KCNK2: variants seen among roughly 807,000 people sequenced by gnomAD.
KCNK2 encodes potassium channel subfamily K member 2.
Under a neutral mutation model 40.5 loss-of-function variants are expected in KCNK2, and 21 were observed. That is an observed-to-expected ratio of 0.52 (90% confidence interval 0.37 to 0.75). KCNK2 has a LOEUF of 0.75. Ranked by LOEUF, KCNK2 falls within the 30% of genes least tolerant of loss-of-function variation. The pLI is 0.00. For missense variants in KCNK2, 399 were observed against 531.6 expected (o/e 0.75, Z 2.45); for synonymous variants, 191 against 202.2 (o/e 0.94, Z 0.47).
chr1:215,092,697 G>T (rs1425154551), intron 2 of KCNK2, among the ~76,000 whole-genome samples: 1 of 152,104 alleles, frequency 6.6e-6, no homozygotes, highest in African/African-American at 2.4e-5. Context: ...CTTATATCTT[G>T]CTGGTCACAT....
intron 1 of KCNK2, among the ~76,000 whole-genome samples, chr1:215,043,655 T>C (rs1461963015): frequency 2.0e-5 from 3 of 151,714 alleles, no homozygotes. Context: ...AGGAACAGAG[T>C]TAGTGGTTAA....
chr1:215,213,955 G>A (rs935355427), intron 6 of KCNK2, among the ~76,000 whole-genome samples: 1 of 152,036 alleles, frequency 6.6e-6, no homozygotes, highest in African/African-American at 2.4e-5. Context: ...CCATTTGTGG[G>A]TCTTTGCATT....
intron 6 of KCNK2, among the ~76,000 whole-genome samples, chr1:215,204,624 C>G (rs539934812): frequency 6.7e-6 from 1 of 150,268 alleles, no homozygotes. Context: ...CTTCAGCAAA[C>G]CAAAGTATTG....
chr1:215,010,856 T>TG (rs752309746), intron 1 of KCNK2, among the ~76,000 whole-genome samples: 8,262 of 116,642 alleles, frequency 0.071, 641 homozygotes, highest in African/African-American at 0.25. Context: ...CACAGATTTT[T>TG]TTTTTTTTTT....
intron 2 of KCNK2, among the ~76,000 whole-genome samples, chr1:215,102,464 T>A (rs553326834): frequency 6.6e-6 from 1 of 152,116 alleles, no homozygotes; most frequent in South Asian, 2.1e-4. Flanking sequence ...GTCAAAATGT[T>A]AAAAAAAATT....
At chr1:215,027,148 T>G (rs966494187) in intron 1 of KCNK2, among the ~76,000 whole-genome samples, 2 of 152,250 alleles carry the variant, frequency 1.3e-5, no homozygotes, top group Middle Eastern at 3.4e-3. Flanking sequence ...TTTTTTTCTC[T>G]TTGTAAATCT....
Position 215,092,935 on chromosome 1 carries a change from G to A in KCNK2, c.357+6257G>A, listed in dbSNP as rs144855963. Among the ~76,000 whole-genome samples, 415 of 152,268 alleles carry A rather than the reference G, an allele frequency of 2.7e-3. 3 individuals carry two copies. The highest frequency in any genetic ancestry group is 9.5e-3 in the African/African-American group (396 of 41,544). On this transcript the variant is annotated intron_variant, in intron 2 of 6. Coordinates refer to ENST00000444842, the MANE Select transcript of KCNK2 (RefSeq NM_001017425.3). ...GTATTTAAGCAAAACAGCTCAGACT[G>A]ATTTCAGGTCAGCACAGCCATGTGA...
intron 2 of KCNK2, among the ~76,000 whole-genome samples, chr1:215,109,976 G>A (rs2102561452): frequency 6.6e-6 from 1 of 152,122 alleles, no homozygotes; most frequent in African/African-American, 2.4e-5. Context: ...GAGTAGTGAT[G>A]TTGAGCATTT....
intron 1 of KCNK2, among the ~76,000 whole-genome samples, chr1:215,017,442 C>T (rs765217254): frequency 6.6e-6 from 1 of 152,054 alleles, no homozygotes; most frequent in Non-Finnish European, 1.5e-5. Flanking sequence ...ATTTGTACAA[C>T]ATGGATGAAC....
intron 1 of KCNK2, among the ~76,000 whole-genome samples, chr1:215,012,480 CT>C (rs140047095): frequency 0.34 from 49,748 of 147,388 alleles, 8,803 homozygotes; most frequent in South Asian, 0.58. Context: ...TTTTCTTTTT[CT>C]TTTTTTTTTG....
At chr1:215,103,581 C>T (rs1423326278) in intron 2 of KCNK2, among the ~76,000 whole-genome samples, 1 of 151,918 alleles carries the variant, frequency 6.6e-6, no homozygotes, top group Non-Finnish European at 1.5e-5. Flanking sequence ...TTTTATCAGA[C>T]AATGACATTT....
chr1:215,176,367 T>G (rs951685591), intron 5 of KCNK2, among the ~76,000 whole-genome samples: 3 of 152,118 alleles, frequency 2.0e-5, no homozygotes, highest in Non-Finnish European at 2.9e-5. Flanking sequence ...CAGGGGTACA[T>G]GTGCAGGATA....
intron 5 of KCNK2, among the ~76,000 whole-genome samples, chr1:215,183,450 A>T (rs937019548): frequency 2.0e-5 from 3 of 152,134 alleles, no homozygotes; most frequent in African/African-American, 7.2e-5. Flanking sequence ...TTCTACTCAA[A>T]TTTTAAAAAC....
chr1:215,177,740 A>ATATTT (rs71167812), intron 5 of KCNK2, among the ~76,000 whole-genome samples: 1,638 of 101,546 alleles, frequency 0.016, 27 homozygotes, highest in South Asian at 0.046. Context: ...ATATATATAT[A>ATATTT]TTTTTTTTTT....
intron 2 of KCNK2, among the ~76,000 whole-genome samples, chr1:215,092,086 G>C (rs1331103365): frequency 6.6e-6 from 1 of 152,156 alleles, no homozygotes; most frequent in African/African-American, 2.4e-5. Context: ...GCAGTGAGTA[G>C]AAACAGGGGA....
chr1:215,073,053 A>G (rs933838497), intron 1 of KCNK2, among the ~76,000 whole-genome samples: 5 of 152,188 alleles, frequency 3.3e-5, no homozygotes, highest in Admixed American at 3.3e-4. Flanking sequence ...TTGGACACAG[A>G]GACAGATACA....
chr1:215,011,637 A>G (rs1432793327), intron 1 of KCNK2, among the ~76,000 whole-genome samples: 2 of 124,102 alleles, frequency 1.6e-5, no homozygotes, highest in African/African-American at 6.3e-5. Context: ...ATGGAGTCTC[A>G]CTCTGTCGCC....
rs1310254559 is a variant in KCNK2, at chr1:215,209,435, TAAA to T, written c.963+14345_963+14347del. On this transcript the variant is annotated intron_variant, in intron 6 of 6. Coordinates refer to ENST00000444842, the MANE Select transcript of KCNK2 (RefSeq NM_001017425.3). ...TATATTATATATAATATATATAATA[TAAA>T]ATATATAATATATATTATATATTAT... Among the ~76,000 whole-genome samples, 66 of 35,506 alleles carry T rather than the reference TAAA, an allele frequency of 1.9e-3. 1 individual carries two copies. Among genetic ancestry groups the T allele is most frequent in the South Asian group, 6.1e-3 (4 of 658 alleles). The allele number at this position is 35,506 out of a possible 152,430, so 23.3% of individuals were successfully genotyped here.
chr1:215,212,315 A>T (rs1005505566), intron 6 of KCNK2, among the ~76,000 whole-genome samples: 1 of 152,142 alleles, frequency 6.6e-6, no homozygotes, highest in East Asian at 1.9e-4. Flanking sequence ...TGCCCCTTAT[A>T]ACAGTTGATT....
Sources: allele counts gnomAD v4.1 joint callset (sites outside exome capture counted in the v4.1 genomes callset), GRCh38; gene constraint gnomAD v4.1.1; transcripts MANE v1.5; gene names NCBI Gene and HGNC (gene_info 2026-07-23, HGNC 2026-07-21).